Variants in MAP2K4 observed in about 807,000 individuals in gnomAD.
MAP2K4 encodes dual specificity mitogen-activated protein kinase kinase 4.
Under a neutral mutation model 48.5 loss-of-function variants are expected in MAP2K4, and 4 were observed. The observed-to-expected ratio is 0.08, with a 90% CI of 0.04 to 0.19. The LOEUF is 0.19. MAP2K4 is among the 10% of genes least tolerant of loss of function. MAP2K4 has a pLI of 1.00. For missense variants in MAP2K4, 258 were observed against 493.3 expected (o/e 0.52, Z 4.52); for synonymous variants, 166 against 173.1 (o/e 0.96, Z 0.32).
intron 1 of MAP2K4, among the ~76,000 whole-genome samples, chr17:12,029,490 A>G (rs1969363292): frequency 6.6e-6 from 1 of 152,202 alleles, no homozygotes; most frequent in African/African-American, 2.4e-5. Context: ...GGGTACAGAT[A>G]GTTCACCCAG....
intron 5 of MAP2K4, among the ~76,000 whole-genome samples, chr17:12,109,287 T>A (rs904041607): frequency 1.3e-5 from 2 of 152,196 alleles, no homozygotes; most frequent in Admixed American, 1.3e-4. Flanking sequence ...ATAAAGAATA[T>A]ATACTGTAAA....
chr17:12,090,052 T>G (rs1971512621), intron 3 of MAP2K4, among the ~76,000 whole-genome samples: 1 of 152,228 alleles, frequency 6.6e-6, no homozygotes, highest in African/African-American at 2.4e-5. Context: ...ACATCTGTCA[T>G]GTCCTCCGTA....
chr17:12,139,717 GT>G, intron 9 of MAP2K4, 121 bp from the exon 10 acceptor site: 1 of 639,760 alleles, frequency 1.6e-6, no homozygotes, highest in Non-Finnish European at 2.7e-6. Flanking sequence ...GGCTGTCTGC[GT>G]TGTTACTTTG....
At chr17:12,022,535 C>A (rs1969118765) in intron 1 of MAP2K4, among the ~76,000 whole-genome samples, 1 of 152,102 alleles carries the variant, frequency 6.6e-6, no homozygotes, top group African/African-American at 2.4e-5. Flanking sequence ...ACTTACAAAG[C>A]TTATAAAAAC....
In MAP2K4 at chr17:12,141,148, A is replaced by G. The variant is rs1567679461; in HGVS notation, c.1088A>G (p.Lys363Arg). Residue 363 changes from lysine to arginine, a missense_variant and splice_region_variant, in exon 11 of 11, where the codon AAA becomes AGA. Physicochemically the swap from Lys to Arg is conservative, Grantham distance 26. This residue lies in a region of MAP2K4 where 57 missense variants were observed against 84.3 expected (regional missense o/e 0.68). Transcript: ENST00000353533. ...TTTTTGTTTTCAATTTTCTTGCAGAAACATCCCTTTATTTTGATGTATGAA... is the reference window on the plus strand; with the variant it reads ...TTTTTGTTTTCAATTTTCTTGCAGAGACATCCCTTTATTTTGATGTATGAA... ...SKRPKYKELL[K>R]HPFILMYEER... 1 of 1,600,190 alleles carries G rather than the reference A, an allele frequency of 6.2e-7. No individual in the cohort carries two copies. Among genetic ancestry groups the G allele is most frequent in the Admixed American group, 1.7e-5 (1 of 59,976 alleles).
At chr17:12,045,380 C>T (rs970945838) in intron 1 of MAP2K4, among the ~76,000 whole-genome samples, 16 of 152,084 alleles carry the variant, frequency 1.1e-4, no homozygotes, top group African/African-American at 2.4e-4. Flanking sequence ...CCTGTGTGCA[C>T]GTGGTTCCTT....
At chr17:12,022,334 C>T (rs182903250) in intron 1 of MAP2K4, among the ~76,000 whole-genome samples, 214 of 152,310 alleles carry the variant, frequency 1.4e-3, no homozygotes, top group Admixed American at 3.2e-3. Flanking sequence ...ACTTTCTGTG[C>T]AGGCCCTCAG....
chr17:12,103,636 C>T (rs942111870), intron 4 of MAP2K4, among the ~76,000 whole-genome samples: 2 of 152,104 alleles, frequency 1.3e-5, no homozygotes, highest in Admixed American at 1.3e-4. Context: ...CTTTCCAGAT[C>T]TCATCACTAC....
rs554601801 is a variant in MAP2K4, at chr17:12,044,523, A to T, written c.116-10366A>T. On this transcript the variant is annotated intron_variant, in intron 1 of 10. Coordinates refer to ENST00000353533, the MANE Select transcript of MAP2K4 (RefSeq NM_003010.4). ...AAACTTGCCAAGAAGGAGAAGTCAG[A>T]TCTGATTGTTTTGATGTAAGGAAAA... Among the ~76,000 whole-genome samples the T allele has an allele frequency of 5.8e-4, 88 of 152,370 alleles. 1 individual carries two copies. Among genetic ancestry groups the T allele is most frequent in the Admixed American group, 1.0e-3 (16 of 15,308 alleles).
chr17:12,024,404 C>T (rs778280898), intron 1 of MAP2K4, among the ~76,000 whole-genome samples: 2 of 152,164 alleles, frequency 1.3e-5, no homozygotes, highest in African/African-American at 2.4e-5. Context: ...TAGGGAATAG[C>T]TGCTAATTTT....
At chr17:12,111,523 A>T (rs561350628) in intron 6 of MAP2K4, among the ~76,000 whole-genome samples, 2 of 143,802 alleles carry the variant, frequency 1.4e-5, no homozygotes, top group South Asian at 2.2e-4. Context: ...TTCTATAATT[A>T]TGAGAGTAGC....
At position 12,143,189 on chromosome 17, in the gene MAP2K4, G is replaced by A. The variant is rs1438784557; in HGVS notation, c.*1929G>A. On this transcript the variant is annotated 3_prime_UTR_variant, in exon 11 of 11. Coordinates refer to ENST00000353533, the MANE Select transcript of MAP2K4 (RefSeq NM_003010.4). Reference sequence around the variant, plus strand: ...TCCTCCATTGCTCCCGGGGACTCAAGAGGAATCTGTTTCTCTGCTGTCAAC... The same window carrying A: ...TCCTCCATTGCTCCCGGGGACTCAAAAGGAATCTGTTTCTCTGCTGTCAAC... 4.3e-6 allele frequency: 1 copy of A among 232,982 alleles called. No homozygotes were observed. Among genetic ancestry groups the A allele is most frequent in the East Asian group, 6.0e-5 (1 of 16,532 alleles). 14.4% of individuals were successfully genotyped at this position (232,982 alleles called of 1,614,324 possible).
intron 2 of MAP2K4, among the ~76,000 whole-genome samples, chr17:12,069,056 A>C (rs1970706466): frequency 6.6e-6 from 1 of 152,174 alleles, no homozygotes; most frequent in Non-Finnish European, 1.5e-5. Context: ...ATAATTAGGA[A>C]GCAAACTGGT....
chr17:12,115,937 C>T (rs1010125046), intron 7 of MAP2K4: 6 of 494,300 alleles, frequency 1.2e-5, no homozygotes, highest in African/African-American at 9.8e-5. Context: ...TCTTCTAACA[C>T]CAGCTATGAA....
chr17:12,140,256 G>A (rs7207011), intron 10 of MAP2K4, among the ~76,000 whole-genome samples: 133,577 of 152,126 alleles, frequency 0.88, 60,141 homozygotes, highest in East Asian at 1. Context: ...GCAAATTTAC[G>A]TCATATAGCC....
intron 8 of MAP2K4, among the ~76,000 whole-genome samples, chr17:12,127,893 A>C (rs1330171607): frequency 6.6e-6 from 1 of 152,202 alleles, no homozygotes; most frequent in Non-Finnish European, 1.5e-5. Flanking sequence ...GGCATCCTTT[A>C]GGGAGGAAAC....
In MAP2K4 at chr17:12,106,562, TCTC is replaced by T. The variant is rs1353039231; in HGVS notation, c.514-1225_514-1223del. Among the ~76,000 whole-genome samples, 9 of 152,190 alleles carry T rather than the reference TCTC, an allele frequency of 5.9e-5. No individual in the cohort carries two copies. The South Asian group carries it at 8.3e-4, about 14-fold the overall frequency. ...TAATTTTACTTTTAACAGGCATTAA[TCTC>T]CTATATAATCCAAGGATAGGATTGA... is the stretch of plus-strand genomic sequence containing the variant. On this transcript the variant is annotated intron_variant, in intron 4 of 10. Transcript: ENST00000353533.
chr17:12,059,227 G>A (rs987558084), intron 2 of MAP2K4, among the ~76,000 whole-genome samples: 2 of 152,104 alleles, frequency 1.3e-5, no homozygotes, highest in Admixed American at 6.5e-5. Context: ...CAAAGAAAAA[G>A]CAAAGGAAAA....
chr17:12,062,994 C>T (rs1476541296), intron 2 of MAP2K4, among the ~76,000 whole-genome samples: 2 of 151,716 alleles, frequency 1.3e-5, no homozygotes, highest in East Asian at 3.9e-4. Context: ...AATCTAGAAA[C>T]CACTCTTTCA....
Sources: allele counts gnomAD v4.1 joint callset (sites outside exome capture counted in the v4.1 genomes callset), GRCh38; gene constraint gnomAD v4.1.1; regional missense constraint gnomAD v4.1.1; transcripts MANE v1.5; gene names NCBI Gene and HGNC (gene_info 2026-07-23, HGNC 2026-07-21).